RBM6: variants seen among roughly 807,000 people sequenced by gnomAD.
RBM6 encodes the protein RNA-binding protein 6.
RBM6 carries 23 observed loss-of-function variants against 140.4 expected under a neutral mutation model. The ratio of observed to expected loss-of-function variants is 0.16; its 90% confidence interval spans 0.12 to 0.23. The LOEUF (loss-of-function observed/expected upper bound fraction) is 0.23, where lower values mean the gene tolerates loss of function less well. RBM6 is among the 10% of genes least tolerant of loss of function. The pLI is 1.00. For synonymous variants in RBM6, 439 were observed against 475.6 expected, an observed-to-expected ratio of 0.92 and a Z score of 1.00; for missense variants, 1,139 against 1,386.7, an observed-to-expected ratio of 0.82 and a Z score of 2.84.
chr3:49,982,400 G>T (rs150014035), intron 5 of RBM6, among the ~76,000 whole-genome samples: 3 of 149,600 alleles, frequency 2.0e-5, no homozygotes, highest in Non-Finnish European at 4.4e-5. Flanking sequence ...GTGCCACCAT[G>T]CCTGGTTAAT....
At chr3:50,059,771 T>G in intron 11 of RBM6, 25 bp downstream of exon 11, 964 of 1,528,320 alleles carry the variant, frequency 6.3e-4, no homozygotes, top group Non-Finnish European at 8.0e-4. Context: ...TGAGGATCTC[T>G]TGTGCTGCCC....
At position 50,070,759 on chromosome 3, in the gene RBM6, G is replaced by A. The variant is rs147725436; in HGVS notation, c.3116+207G>A. On this transcript the variant is annotated intron_variant, in intron 19 of 20. Coordinates refer to ENST00000266022, the MANE Select transcript of RBM6 (RefSeq NM_005777.3). ...ACATGGAAGGTTGGCTGGCAGCTTC[G>A]CCTTCCCAAAGCCAGGGCTGGAGTA... Among the ~76,000 whole-genome samples, 965 of 152,266 alleles carry A rather than the reference G, an allele frequency of 6.3e-3. 5 individuals carry two copies. The highest frequency in any genetic ancestry group is 0.011 in the Non-Finnish European group (733 of 68,006).
At chr3:50,039,982 T>C (rs2088786332) in intron 6 of RBM6, among the ~76,000 whole-genome samples, 1 of 152,192 alleles carries the variant, frequency 6.6e-6, no homozygotes, top group Non-Finnish European at 1.5e-5. Flanking sequence ...TCTATGTTCC[T>C]GGAGCCAAGT....
At chr3:50,022,335 C>T (rs1337506939) in intron 6 of RBM6, among the ~76,000 whole-genome samples, 4 of 143,622 alleles carry the variant, frequency 2.8e-5, no homozygotes, top group Admixed American at 7.0e-5. Flanking sequence ...TTTCTTCTTT[C>T]TTTTTTTTTT....
In RBM6 at chr3:49,968,273, G is replaced by C. The variant is rs2084600549; in HGVS notation, c.848G>C (p.Arg283Thr). Reference sequence around the variant, plus strand: ...GGATCTTGTATGGAATTTAAAGATAGGGAGATGCCCCCTGTGGATCCAAAT... The same window carrying C: ...GGATCTTGTATGGAATTTAAAGATACGGAGATGCCCCCTGTGGATCCAAAT... ...EMGSCMEFKD[R>T]EMPPVDPNIL... Residue 283 changes from arginine (R) to threonine (T), a missense_variant, in exon 3 of 21, where the codon AGG (arginine) becomes ACG (threonine). Physicochemically the swap from Arg to Thr is moderately conservative, Grantham distance 71 (BLOSUM62 -1). This residue lies in a region of RBM6 where 566 missense variants were observed against 612.7 expected (regional missense o/e 0.92). Coordinates refer to ENST00000266022, the MANE Select transcript of RBM6 (RefSeq NM_005777.3). 6.2e-7 allele frequency: 1 copy of C among 1,614,118 alleles called. No homozygotes were observed. The highest frequency in any genetic ancestry group is 8.5e-7 in the Non-Finnish European group (1 of 1,180,020).
intron 6 of RBM6, among the ~76,000 whole-genome samples, chr3:50,027,548 A>C (rs560755126): frequency 6.6e-6 from 1 of 152,298 alleles, no homozygotes; most frequent in Admixed American, 6.5e-5. Flanking sequence ...TTCTGTCTCT[A>C]TAGATTTGCC....
At chr3:49,965,790 T>C (rs1193067325) in intron 2 of RBM6, among the ~76,000 whole-genome samples, 1 of 152,100 alleles carries the variant, frequency 6.6e-6, no homozygotes, top group Non-Finnish European at 1.5e-5. Flanking sequence ...TAAATGTACA[T>C]CATTCTAGTG....
intron 6 of RBM6, among the ~76,000 whole-genome samples, chr3:50,016,097 C>T (rs2087132786): frequency 6.6e-6 from 1 of 152,216 alleles, no homozygotes; most frequent in African/African-American, 2.4e-5. Context: ...CCTCCACCCG[C>T]CTTCTCCACC....
intron 3 of RBM6, among the ~76,000 whole-genome samples, chr3:49,969,599 T>C (rs969756670): frequency 5.4e-5 from 8 of 148,352 alleles, no homozygotes; most frequent in African/African-American, 2.0e-4. Flanking sequence ...ATGAAGGAAC[T>C]ATATATATAT....
intron 6 of RBM6, among the ~76,000 whole-genome samples, chr3:50,016,065 T>A (rs1290483895): frequency 6.6e-6 from 1 of 152,226 alleles, no homozygotes; most frequent in Non-Finnish European, 1.5e-5. Context: ...TTTATACTCT[T>A]TGACTAACAT....
chr3:49,961,692 G>C (rs1180285827), intron 1 of RBM6, among the ~76,000 whole-genome samples: 1 of 151,778 alleles, frequency 6.6e-6, no homozygotes. Flanking sequence ...CCAGCTACTC[G>C]GGAGGCTGAG....
At chr3:50,032,275 G>A (rs2088214221) in intron 6 of RBM6, among the ~76,000 whole-genome samples, 1 of 151,300 alleles carries the variant, frequency 6.6e-6, no homozygotes, top group Non-Finnish European at 1.5e-5. Context: ...GAGATCAAGA[G>A]ATGGAGACCA....
In RBM6 at chr3:49,968,770, C is replaced by CTTTTTTTT. The variant is rs569224640; in HGVS notation, c.1323+43_1323+50dup. ...TCAGGTATGTTGATGGGGTGGATTGCTTTTTTTTTTTTTTTTTTTTTTTTT... is the reference window on the plus strand; with the variant it reads ...TCAGGTATGTTGATGGGGTGGATTGCTTTTTTTTTTTTTTTTTTTTTTTTTTTTTTTTT... On this transcript the variant is annotated intron_variant, in intron 3 of 20. Coordinates refer to ENST00000266022, the MANE Select transcript of RBM6 (RefSeq NM_005777.3). 58 of 700,110 alleles carry CTTTTTTTT rather than the reference C, an allele frequency of 8.3e-5. 2 individuals carry two copies. In the African/African-American group the frequency reaches 1.4e-3, roughly 16 times the overall value. The allele number at this position is 700,110 out of a possible 1,614,324, so 43.4% of individuals were successfully genotyped here. A position where few individuals can be genotyped will look rare whatever the true frequency, so the allele number is the denominator to read the frequency against.
At chr3:50,066,633 G>A in intron 17 of RBM6, 131 bp downstream of exon 17, 1 of 1,187,940 alleles carries the variant, frequency 8.4e-7, no homozygotes. Context: ...TACAAGACCA[G>A]TCTGGGCAAC....
chr3:50,067,967 C>A (rs1342426120), intron 17 of RBM6, among the ~76,000 whole-genome samples: 1 of 152,224 alleles, frequency 6.6e-6, no homozygotes, highest in Non-Finnish European at 1.5e-5. Context: ...GACTACCTCC[C>A]ATGTCCTTTG....
At chr3:50,023,077 G>A (rs920446264) in intron 6 of RBM6, among the ~76,000 whole-genome samples, 1 of 152,048 alleles carries the variant, frequency 6.6e-6, no homozygotes, top group African/African-American at 2.4e-5. Flanking sequence ...TTCCAGCCTG[G>A]GTGACAGAGC....
chr3:50,044,568 C>T (rs368004131), intron 6 of RBM6, among the ~76,000 whole-genome samples: 4 of 149,352 alleles, frequency 2.7e-5, no homozygotes, highest in East Asian at 2.0e-4. Flanking sequence ...GGCGACAGAG[C>T]GAGACTCCGT....
chr3:49,971,158 C>T (rs1303569345), intron 3 of RBM6, among the ~76,000 whole-genome samples: 2 of 143,418 alleles, frequency 1.4e-5, no homozygotes, highest in Non-Finnish European at 3.1e-5. Flanking sequence ...CCCAGCTACT[C>T]GGGAGGCTGA....
At chr3:50,057,587 CA>C (rs4030422) in intron 8 of RBM6, 140 bp from the exon 9 acceptor site, 14,969 of 213,576 alleles carry the variant, frequency 0.07, no homozygotes, top group Middle Eastern at 0.085. Flanking sequence ...AACTCCGTCT[CA>C]AAAAAAAAAA....
Sources: allele counts gnomAD v4.1 joint callset (sites outside exome capture counted in the v4.1 genomes callset), GRCh38; gene constraint gnomAD v4.1.1; regional missense constraint gnomAD v4.1.1; transcripts MANE v1.5; gene names NCBI Gene and HGNC (gene_info 2026-07-23, HGNC 2026-07-21).